SMG1: variants seen among roughly 807,000 people sequenced by gnomAD.
SMG1 encodes the protein serine/threonine-protein kinase SMG1.
SMG1 carries 22 observed loss-of-function variants against 419.9 expected under a neutral mutation model. That is an observed-to-expected ratio of 0.05 (90% CI 0.04 to 0.07). The LOEUF (loss-of-function observed/expected upper bound fraction) is 0.07. Among genes scored for constraint, SMG1 ranks in the 10% least tolerant of loss-of-function variants. SMG1 has a pLI of 1.00. For missense variants in SMG1, 3,185 were observed against 4,342.0 expected (o/e 0.73, Z 7.49); for synonymous variants, 1,538 against 1,553.5 (o/e 0.99, Z 0.23).
chr16:18,910,939 C>T (rs546701625), intron 1 of SMG1, among the ~76,000 whole-genome samples: 1 of 152,180 alleles, frequency 6.6e-6, no homozygotes, highest in Admixed American at 6.5e-5. Context: ...TTCTTAAATT[C>T]CAACTGTGTA....
chr16:18,905,859 G>A (rs1416970334), intron 1 of SMG1, among the ~76,000 whole-genome samples: 6 of 151,962 alleles, frequency 3.9e-5, no homozygotes, highest in Admixed American at 6.6e-5. Flanking sequence ...GGATCCAGCC[G>A]CCTCGGCCTC....
intron 4 of SMG1, among the ~76,000 whole-genome samples, chr16:18,891,640 G>A (rs2036886344): frequency 6.6e-6 from 1 of 151,996 alleles, no homozygotes; most frequent in Admixed American, 6.6e-5. Flanking sequence ...CACTATGTTG[G>A]GCAGGCTGGT....
intron 3 of SMG1, among the ~76,000 whole-genome samples, chr16:18,895,435 C>T (rs1047512613): frequency 2.6e-5 from 4 of 151,574 alleles, no homozygotes; most frequent in African/African-American, 9.7e-5. Context: ...GCAGAGATTG[C>T]AGCACTGTGC....
At chr16:18,894,879 G>A (rs1212878562) in intron 3 of SMG1, among the ~76,000 whole-genome samples, 2 of 151,896 alleles carry the variant, frequency 1.3e-5, no homozygotes, top group Non-Finnish European at 2.9e-5. Flanking sequence ...GTGCAGTGGC[G>A]CGATCTAAGC....
chr16:18,892,079 G>T, intron 4 of SMG1, 139 bp downstream of exon 4: 2 of 668,120 alleles, frequency 3.0e-6, no homozygotes, highest in South Asian at 1.8e-5. Context: ...AGAAGAAAAA[G>T]AAATTACATA....
chr16:18,885,492 C>A (rs1483652200), intron 7 of SMG1, 49 bp downstream of exon 7: 2 of 1,593,052 alleles, frequency 1.3e-6, no homozygotes, highest in Non-Finnish European at 1.7e-6. Context: ...CTCACACACA[C>A]AACCATCCCC....
In SMG1 at chr16:18,879,421, C is replaced by T. The variant is rs1231183706; in HGVS notation, c.1518+74G>A. 8.5e-6 allele frequency: 11 copies of T among 1,291,358 alleles called. No individual in the cohort carries two copies. The East Asian group carries it at 2.5e-4, about 29-fold the overall frequency. 80.0% of individuals were successfully genotyped at this position (1,291,358 alleles called of 1,614,324 possible). ...TGAGCCACCATGCCCAGACAAAGCC[C>T]TTAATTTCTTACATATCGATTTAAG... is the stretch of plus-strand genomic sequence containing the variant. On this transcript the variant is annotated intron_variant, in intron 11 of 62. Transcript: ENST00000446231.
At chr16:18,819,987 C>T (rs1039008164) in intron 55 of SMG1, among the ~76,000 whole-genome samples, 8 of 151,638 alleles carry the variant, frequency 5.3e-5, no homozygotes, top group East Asian at 1.9e-4. Context: ...TCTTTTGAGA[C>T]GGAGTCTCAC....
intron 1 of SMG1, among the ~76,000 whole-genome samples, chr16:18,900,756 T>C (rs1008405614): frequency 2.6e-5 from 4 of 152,330 alleles, no homozygotes; most frequent in East Asian, 1.9e-4. Flanking sequence ...TTCTCTAAAG[T>C]AGCAAAGATA....
intron 1 of SMG1, among the ~76,000 whole-genome samples, chr16:18,913,775 TAATAAAAAAAA>T (rs1567460042): frequency 6.6e-6 from 1 of 151,548 alleles, no homozygotes; most frequent in Admixed American, 6.6e-5. Context: ...ATAAAAAGGG[TAATAAAAAAAA>T]AATCTAGTGT....
Position 18,835,128 on chromosome 16 carries a change from T to C in SMG1, c.8094A>G (p.Thr2698=), listed in dbSNP as rs1389550140. Reference sequence around the variant, plus strand: ...CAGTGGCAGTGATGAACTGACACACTGTTGGGGGTGGCTGGGGAGCATATT... The same window carrying C: ...CAGTGGCAGTGATGAACTGACACACCGTTGGGGGTGGCTGGGGAGCATATT... ...EMQYAPQPPP[T]VCQFITATEM... Residue 2698 remains threonine, a synonymous_variant, in exon 49 of 63, where the codon ACA becomes ACG. Transcript: ENST00000446231. 1 of 1,612,852 alleles carries C rather than the reference T, an allele frequency of 6.2e-7. No individual in the cohort carries two copies. Among genetic ancestry groups the C allele is most frequent in the Admixed American group, 1.7e-5 (1 of 59,996 alleles).
chr16:18,841,827 G>A (rs2033944868), intron 40 of SMG1, 33 bp from the exon 41 acceptor site: 3 of 1,576,558 alleles, frequency 1.9e-6, no homozygotes, highest in South Asian at 1.1e-5. Flanking sequence ...GCTAGGATAG[G>A]TGATTAAACA....
chr16:18,889,874 T>G (rs2141798632), intron 5 of SMG1, among the ~76,000 whole-genome samples: 1 of 152,244 alleles, frequency 6.6e-6, no homozygotes, highest in East Asian at 1.9e-4. Context: ...ATTAAATAAC[T>G]CTCAGAAAAG....
rs763076546 is a variant in SMG1, at chr16:18,854,648, T to G, written c.4483+8A>C. 1 of 1,609,322 alleles carries G rather than the reference T, an allele frequency of 6.2e-7. No homozygotes were observed. The highest frequency in any genetic ancestry group is 1.1e-5 in the South Asian group (1 of 90,468). ...ACTCATGTATTAACCATAATTAATT[T>G]TACTAACCTGCTGTATAAAGCAATT... On this transcript the variant is annotated splice_region_variant and intron_variant, in intron 30 of 62. Transcript: ENST00000446231.
At chr16:18,868,979 C>T (rs2035667309) in intron 20 of SMG1, 125 bp downstream of exon 20, 2 of 832,560 alleles carry the variant, frequency 2.4e-6, no homozygotes, top group South Asian at 1.8e-5. Flanking sequence ...AACAAACATA[C>T]CTGAAAATTA....
intron 25 of SMG1, among the ~76,000 whole-genome samples, chr16:18,862,839 C>T (rs61072034): frequency 0.066 from 10,010 of 152,216 alleles, 1,096 homozygotes; most frequent in African/African-American, 0.23. Flanking sequence ...CAGAGGCCTC[C>T]CAGCTATTTC....
chr16:18,866,115 A>G lies in SMG1; in HGVS notation c.3350+506T>C, dbSNP rs563867003. On this transcript the variant is annotated intron_variant, in intron 23 of 62. Transcript: ENST00000446231. The stretch of plus-strand genomic sequence containing the variant: ...ATGGATATGGAAATACAGAACTACA[A>G]AAGGACACACAACAGAAGTTACTAC... 1.8e-5 allele frequency: 3 copies of G among 164,588 alleles called. No individual in the cohort carries two copies. The South Asian group carries it at 4.6e-4, about 25-fold the overall frequency. The allele number at this position is 164,588 out of a possible 1,614,324, so 10.2% of individuals were successfully genotyped here.
chr16:18,866,631 C>T lies in SMG1; in HGVS notation c.3340G>A (p.Ala1114Thr). Residue 1114 changes from alanine to threonine, a missense_variant, in exon 23 of 63, where the codon GCT (alanine) becomes ACT (threonine). Around this residue, in one of 27 missense-constraint regions of SMG1, gnomAD observed 121 missense variants for 125.4 expected, o/e 0.96. Coordinates refer to ENST00000446231, the MANE Select transcript of SMG1 (RefSeq NM_015092.5). ...TTCCCTCCAACCTACCTCCCTTCAG[C>T]CTGTTGAGCCACTGAGTTAATCCAC... ...LLWINSVAQQAEGRFEKASVE... is the reference protein window; with the variant it reads ...LLWINSVAQQTEGRFEKASVE... The T allele has an allele frequency of 6.3e-7, 1 of 1,593,102 alleles. No homozygotes were observed. The highest frequency in any genetic ancestry group is 8.5e-7 in the Non-Finnish European group (1 of 1,175,736).
At position 18,839,701 on chromosome 16, in the gene SMG1, C is replaced by G. The variant is rs750334267; in HGVS notation, c.6942G>C (p.Thr2314=). The G allele has an allele frequency of 6.2e-7, 1 of 1,614,006 alleles. No homozygotes were observed. The stretch of plus-strand genomic sequence containing the variant: ...TAGTCTAAAACAAAGCACATACCTG[C>G]GTAACTCTCCACCATTCATCAGGTG... The part of the protein sequence containing the change: ...CTTPDEWWRV[T]QSYARSTAVM... Residue 2314 remains threonine (T), a synonymous_variant, in exon 42 of 63, where the codon ACG becomes ACC. Coordinates refer to ENST00000446231, the MANE Select transcript of SMG1 (RefSeq NM_015092.5).
Sources: gnomAD v4.1 joint callset for allele counts (sites outside exome capture counted in the v4.1 genomes callset) on GRCh38, gnomAD v4.1.1 for gene constraint, gnomAD v4.1.1 regional missense constraint, MANE v1.5 for transcripts, NCBI Gene and HGNC (gene_info 2026-07-23, HGNC 2026-07-21) for gene names.